The following PDXK variants were observed in gnomAD, a reference collection of about 807,000 sequenced individuals.
PDXK encodes epididymis secretory sperm binding protein Li 1a.
In PDXK, 15 loss-of-function variants were observed where a neutral mutation model predicts 43.2. That is an observed-to-expected ratio of 0.35 (90% CI 0.23 to 0.53). PDXK has a LOEUF of 0.53. Ranked by LOEUF, PDXK falls within the 20% of genes least tolerant of loss-of-function variation. The pLI, the probability that PDXK is intolerant of heterozygous loss-of-function variation, is 0.92. For missense variants in PDXK, 343 were observed against 417.0 expected, an observed-to-expected ratio of 0.82 and a Z score of 1.54; for synonymous variants, 172 against 165.4, an observed-to-expected ratio of 1.04 and a Z score of -0.31.
At chr21:43,755,057 C>T (rs1420490448) in intron 9 of PDXK, among the ~76,000 whole-genome samples, 1 of 152,214 alleles carries the variant, frequency 6.6e-6, no homozygotes, top group Admixed American at 6.5e-5. Context: ...TGGAAAAGTG[C>T]CAGCTGGCAC....
chr21:43,736,604 C>G (rs2083406601), intron 2 of PDXK, among the ~76,000 whole-genome samples: 1 of 151,440 alleles, frequency 6.6e-6, no homozygotes, highest in Non-Finnish European at 1.5e-5. Context: ...GCGACTCTGC[C>G]CAGGGTTTTC....
At chr21:43,741,941 C>A (rs1174820511) in intron 3 of PDXK, among the ~76,000 whole-genome samples, 170 bp downstream of exon 3, 1 of 152,058 alleles carries the variant, frequency 6.6e-6, no homozygotes, top group East Asian at 1.9e-4. Flanking sequence ...CCTGGGGGGT[C>A]CTGGCCACAC....
In PDXK at chr21:43,750,142, T is replaced by C. The variant is rs1357577321; in HGVS notation, c.465-358T>C. Among the ~76,000 whole-genome samples, 7 of 152,342 alleles carry C rather than the reference T, an allele frequency of 4.6e-5. No individual in the cohort carries two copies. The South Asian group carries it at 1.0e-3, about 23-fold the overall frequency. On this transcript the variant is annotated intron_variant, in intron 6 of 10. Coordinates refer to ENST00000291565, the MANE Select transcript of PDXK (RefSeq NM_003681.5). Reference sequence around the variant, plus strand: ...AGGCCCCTGAGCCATGGGTGGCCCATGCGTGCATTAATCGCTAGCGGCTCT... The same window carrying C: ...AGGCCCCTGAGCCATGGGTGGCCCACGCGTGCATTAATCGCTAGCGGCTCT...
Position 43,757,593 on chromosome 21 carries a change from AG to A in PDXK, c.*1532del, listed in dbSNP as rs1468635982. The stretch of plus-strand genomic sequence containing the variant: ...AAAATGCCCTGAAGCGAAAAGATGC[AG>A]GTTTATATGGAACCCCCACCCCCTC... On this transcript the variant is annotated 3_prime_UTR_variant, in exon 11 of 11. Transcript: ENST00000291565. 2 of 152,192 alleles carry A rather than the reference AG, an allele frequency of 1.3e-5. No homozygotes were observed. Among genetic ancestry groups the A allele is most frequent in the Non-Finnish European group, 2.9e-5 (2 of 68,052 alleles). 9.4% of individuals were successfully genotyped at this position (152,192 alleles called of 1,614,324 possible).
Position 43,732,893 on chromosome 21 carries a change from T to C in PDXK, c.88-1176T>C, listed in dbSNP as rs1290536929. Among the ~76,000 whole-genome samples the C allele has an allele frequency of 1.3e-5, 2 of 152,002 alleles. No individual in the cohort carries two copies. The highest frequency in any genetic ancestry group is 2.4e-5 in the African/African-American group (1 of 41,368). On this transcript the variant is annotated intron_variant, in intron 1 of 10. Coordinates refer to ENST00000291565, the MANE Select transcript of PDXK (RefSeq NM_003681.5). The surrounding 1 kb of genome is among the most constrained non-coding windows in gnomAD (Gnocchi z 4.1). ...TCCCGAGTAGCTGGGACTACAGACA[T>C]GTGCCACCACGCCCGGCTAATTTCT... is the stretch of plus-strand genomic sequence containing the variant.
intron 1 of PDXK, among the ~76,000 whole-genome samples, chr21:43,726,708 T>C (rs1260930612): frequency 1.3e-5 from 2 of 152,192 alleles, no homozygotes; most frequent in Non-Finnish European, 2.9e-5. Context: ...GCACCCAGCC[T>C]ATTGGTCCCA....
At chr21:43,748,781 C>T (rs757013596) in intron 5 of PDXK, among the ~76,000 whole-genome samples, 37 of 152,198 alleles carry the variant, frequency 2.4e-4, no homozygotes, top group Non-Finnish European at 1.5e-4. Context: ...CTCGGCCCCT[C>T]GGAGCACTTA....
chr21:43,729,158 G>C, intron 1 of PDXK: 5 of 323,250 alleles, frequency 1.5e-5, no homozygotes, highest in Non-Finnish European at 2.2e-5. Flanking sequence ...GCTTGTTTAC[G>C]GAGTTACACC....
rs183094152 is a variant in PDXK at position 43,731,403 on chromosome 21, G to T, written c.88-2666G>T. 3.9e-5 allele frequency among the ~76,000 whole-genome samples: 6 copies of T among 152,336 alleles called. 1 individual carries two copies. In the East Asian group the frequency reaches 1.2e-3, roughly 29 times the overall value. On this transcript the variant is annotated intron_variant, in intron 1 of 10. Transcript: ENST00000291565. ...CTGACAGGTTTCACCCACACTCAGGGGGTTGCCCGAGGGTGAGCGGGGTCC... is the reference window on the plus strand; with the variant it reads ...CTGACAGGTTTCACCCACACTCAGGTGGTTGCCCGAGGGTGAGCGGGGTCC...
In PDXK at chr21:43,732,502, C is replaced by A. The variant is rs181726789; in HGVS notation, c.88-1567C>A. On this transcript the variant is annotated intron_variant, in intron 1 of 10. Coordinates refer to ENST00000291565, the MANE Select transcript of PDXK (RefSeq NM_003681.5). The surrounding 1 kb of genome is among the most constrained non-coding windows in gnomAD (Gnocchi z 4.1). Reference sequence around the variant, plus strand: ...GCTTGCTCGTGCTCTCATTTAAAAGCAGAAAATAGCGACTTCATTCTCGGA... The same window carrying A: ...GCTTGCTCGTGCTCTCATTTAAAAGAAGAAAATAGCGACTTCATTCTCGGA... 0.033 allele frequency: 47,146 copies of A among 1,441,096 alleles called. 958 individuals are homozygous for A. Among genetic ancestry groups the A allele is most frequent in the Middle Eastern group, 0.047 (269 of 5,754 alleles). The allele number at this position is 1,441,096 out of a possible 1,614,324, so 89.3% of individuals were successfully genotyped here. A position where few individuals can be genotyped will look rare whatever the true frequency, so the allele number is the denominator to read the frequency against.
At chr21:43,746,327 T>C (rs1175018264) in intron 5 of PDXK, among the ~76,000 whole-genome samples, 1 of 152,196 alleles carries the variant, frequency 6.6e-6, no homozygotes, top group Non-Finnish European at 1.5e-5. Context: ...TATCGACACC[T>C]TTGCCGGCCG....
chr21:43,719,322 A>T lies in PDXK; in HGVS notation c.28A>T (p.Ile10Leu). 1 of 1,517,806 alleles carries T rather than the reference A, an allele frequency of 6.6e-7. No individual in the cohort carries two copies. The highest frequency in any genetic ancestry group is 8.8e-7 in the Non-Finnish European group (1 of 1,134,298). The allele number at this position is 1,517,806 out of a possible 1,614,324, so 94.0% of individuals were successfully genotyped here. MEEECRVLS[I>L]QSHVIRGYVG... ...GGAGGAGGAGTGCCGGGTGCTCTCC[A>T]TACAGAGCCACGTCATCCGCGGCTA... The change falls in exon 1 of 11, where the codon ATA becomes TTA. Residue 10 changes from isoleucine to leucine, a missense_variant. Transcript: ENST00000291565.
Position 43,719,201 on chromosome 21 carries a change from G to GGCCGGAGCCCGAGCCCGAGCCGA in PDXK, c.-79_-57dup, listed in dbSNP as rs894723578. 192 of 588,138 alleles carry GGCCGGAGCCCGAGCCCGAGCCGA rather than the reference G, an allele frequency of 3.3e-4. No homozygotes were observed. In the African/African-American group the frequency reaches 3.4e-3, roughly 11 times the overall value. The allele number at this position is 588,138 out of a possible 1,614,324, so 36.4% of individuals were successfully genotyped here. A position where few individuals can be genotyped will look rare whatever the true frequency, so the allele number is the denominator to read the frequency against. ...CAGAGTCGCAGCCGAGGGGAGCCGG[G>GGCCGGAGCCCGAGCCCGAGCCGA]GCCGGAGCCCGAGCCCGAGCCGAGC... On this transcript the variant is annotated 5_prime_UTR_variant, in exon 1 of 11. Transcript: ENST00000291565.
In PDXK at chr21:43,743,824, C is replaced by A; in HGVS notation, c.331+17C>A. On this transcript the variant is annotated intron_variant, in intron 4 of 10. Transcript: ENST00000291565. ...TGGTGTACGGTAGGCAGGGGCCCAC[C>A]CTCGGGTCTGGCTGTGTGGCCCCAC... The A allele has an allele frequency of 2.5e-6, 4 of 1,593,116 alleles. No homozygotes were observed. Among genetic ancestry groups the A allele is most frequent in the Non-Finnish European group, 3.4e-6 (4 of 1,162,584 alleles).
Position 43,727,915 on chromosome 21 carries a change from C to A in PDXK, c.88-6154C>A, listed in dbSNP as rs2083270448. Among the ~76,000 whole-genome samples, 2 of 152,370 alleles carry A rather than the reference C, an allele frequency of 1.3e-5. 1 individual carries two copies. The highest frequency in any genetic ancestry group is 4.1e-4 in the South Asian group (2 of 4,832). ...TTTGGCAATCCCTGGACTCAGCCCC[C>A]AGCTGTCTGGCCATCTGGGCACTTC... On this transcript the variant is annotated intron_variant, in intron 1 of 10. Transcript: ENST00000291565.
intron 4 of PDXK, chr21:43,745,872 C>T (rs1338918939): frequency 5.0e-6 from 3 of 601,230 alleles, no homozygotes; most frequent in Admixed American, 5.1e-5. Context: ...TGCTGCATGC[C>T]TGTGGTCTCA....
Position 43,737,705 on chromosome 21 carries a change from A to G in PDXK, c.142+3582A>G. Reference sequence around the variant, plus strand: ...TGCCGACGGACACCAGCGAGGGGCCAGGCCGGGCCAGGAGCCTGCCGACGG... The same window carrying G: ...TGCCGACGGACACCAGCGAGGGGCCGGGCCGGGCCAGGAGCCTGCCGACGG... On this transcript the variant is annotated intron_variant, in intron 2 of 10. Transcript: ENST00000291565. The surrounding 1 kb of genome is among the most constrained non-coding windows in gnomAD (Gnocchi z 4.8). 1.4e-6 allele frequency: 1 copy of G among 724,792 alleles called. No homozygotes were observed. Among genetic ancestry groups the G allele is most frequent in the African/African-American group, 1.9e-5 (1 of 53,208 alleles). The allele number at this position is 724,792 out of a possible 1,614,324, so 44.9% of individuals were successfully genotyped here.
At chr21:43,753,476 C>A in intron 8 of PDXK, 107 bp from the exon 9 acceptor site, 11 of 1,176,196 alleles carry the variant, frequency 9.4e-6, no homozygotes, top group Non-Finnish European at 1.2e-5. Context: ...TTGTGCTCTG[C>A]CCCTGTGACC....
rs2083222860 is a variant in PDXK, at chr21:43,723,202, T to A, written c.87+3821T>A. On this transcript the variant is annotated intron_variant, in intron 1 of 10. Transcript: ENST00000291565. This position sits in a 1 kb window ranked among gnomAD's most constrained non-coding sequence, Gnocchi z 4.1. ...GAGGGTCTCACTCTGTCGCTCAGGCTGAAGTACAATGGAGCGATCTAGGCT... is the reference window on the plus strand; with the variant it reads ...GAGGGTCTCACTCTGTCGCTCAGGCAGAAGTACAATGGAGCGATCTAGGCT... 6.8e-6 allele frequency among the ~76,000 whole-genome samples: 1 copy of A among 147,874 alleles called. No individual in the cohort carries two copies. Among genetic ancestry groups the A allele is most frequent in the Non-Finnish European group, 1.5e-5 (1 of 67,010 alleles).
Sources: allele counts gnomAD v4.1 joint callset (sites outside exome capture counted in the v4.1 genomes callset), GRCh38; gene constraint gnomAD v4.1.1; non-coding constraint Gnocchi (gnomAD v3.1); transcripts MANE v1.5; gene names NCBI Gene and HGNC (gene_info 2026-07-23, HGNC 2026-07-21).